RUNDC3A: variants seen among roughly 807,000 people sequenced by gnomAD.
RUNDC3A encodes the protein RUN domain containing 3A.
A neutral mutation model predicts 53.9 loss-of-function variants in RUNDC3A; 28 were observed. That is an observed-to-expected ratio of 0.52 (90% CI 0.38 to 0.71). RUNDC3A has a LOEUF of 0.71. Ranked by LOEUF, RUNDC3A falls within the 30% of genes least tolerant of loss-of-function variation. The probability of loss-of-function intolerance (pLI) is 0.00; values close to 1 mark genes in which losing one functional copy is unlikely to be tolerated. For synonymous variants in RUNDC3A, 232 were observed against 249.4 expected (o/e 0.93, Z 0.66); for missense variants, 491 against 597.3 (o/e 0.82, Z 1.85).
At chr17:44,317,790 T>C (rs1045117685) in intron 10 of RUNDC3A, 3 of 598,476 alleles carry the variant, frequency 5.0e-6, no homozygotes, top group Non-Finnish European at 9.0e-6. Flanking sequence ...TCTTGTCCGT[T>C]CTCTGTATCC....
Position 44,315,099 on chromosome 17 carries a change from G to A in RUNDC3A, c.630-56G>A, listed in dbSNP as rs1057277040. ...GGTCCCACCGCCCTCAGCGGCCAGC[G>A]CAGACGCGCGGGGGGAGGGGCGGGA... On this transcript the variant is annotated intron_variant, in intron 6 of 10. Coordinates refer to ENST00000426726, the MANE Select transcript of RUNDC3A (RefSeq NM_001144825.2). The surrounding 1 kb of genome is among the most constrained non-coding windows in gnomAD (Gnocchi z 6.1). 5.0e-6 allele frequency: 8 copies of A among 1,603,946 alleles called. No homozygotes were observed. In the African/African-American group the frequency reaches 5.4e-5, roughly 11 times the overall value.
At chr17:44,312,465 C>G (rs1567853132) in intron 1 of RUNDC3A, 115 bp from the exon 2 acceptor site, 1 of 650,622 alleles carries the variant, frequency 1.5e-6, no homozygotes, top group East Asian at 2.8e-5. Context: ...TGCCCCCCAC[C>G]ACATCCATGC....
chr17:44,311,538 G>T, intron 1 of RUNDC3A: 1 of 169,046 alleles, frequency 5.9e-6, no homozygotes. Flanking sequence ...GCAAAGTACT[G>T]TGCTTGCCAC....
rs1460186617 is a variant in RUNDC3A, at chr17:44,315,306, G to T, written c.781G>T (p.Val261Phe). ...CAAGATGGAGCAGAAGTTCCGCATC[G>T]TCTACGCGCAGAAGGTGCGCGACGC... ...WHKMEQKFRI[V>F]YAQKGYLEEL... Residue 261 changes from valine to phenylalanine, a missense_variant, in exon 7 of 11, where the codon GTC (valine) becomes TTC (phenylalanine). Physicochemically the swap from Val to Phe is conservative, Grantham distance 50. Coordinates refer to ENST00000426726, the MANE Select transcript of RUNDC3A (RefSeq NM_001144825.2). The surrounding 1 kb of genome is among the most constrained non-coding windows in gnomAD (Gnocchi z 6.1). 1.3e-6 allele frequency: 2 copies of T among 1,505,472 alleles called. No individual in the cohort carries two copies. The highest frequency in any genetic ancestry group is 1.8e-6 in the Non-Finnish European group (2 of 1,123,652). The allele number at this position is 1,505,472 out of a possible 1,614,324, so 93.3% of individuals were successfully genotyped here. A position where few individuals can be genotyped will look rare whatever the true frequency, so the allele number is the denominator to read the frequency against.
chr17:44,315,143 C>T lies in RUNDC3A; in HGVS notation c.630-12C>T, dbSNP rs1353327358. The T allele has an allele frequency of 2.5e-6, 4 of 1,581,752 alleles. No individual in the cohort carries two copies. The South Asian group carries it at 3.4e-5, about 13-fold the overall frequency. ...GGCGGGACCGGCCGTGCCCACTGCTCCCTCTCCCAAGCTACGACTACCTGA... is the reference window on the plus strand; with the variant it reads ...GGCGGGACCGGCCGTGCCCACTGCTTCCTCTCCCAAGCTACGACTACCTGA... On this transcript the variant is annotated splice_polypyrimidine_tract_variant and intron_variant, in intron 6 of 10. Transcript: ENST00000426726. The surrounding 1 kb of genome is among the most constrained non-coding windows in gnomAD (Gnocchi z 6.1).
At chr17:44,308,991 G>C in intron 1 of RUNDC3A, 52 bp downstream of exon 1, 1 of 1,286,946 alleles carries the variant, frequency 7.8e-7, no homozygotes, top group East Asian at 2.5e-5. Context: ...AGGGGTTGGG[G>C]TGGACTGCGG....
In RUNDC3A at chr17:44,316,464, C is replaced by T. The variant is rs776739126; in HGVS notation, c.1033C>T (p.Pro345Ser). ...ELTTPLVNQW[P>S]SLGTLNGAEG... ...CACTACACCCCTGGTCAATCAATGG[C>T]CCTCACTGGGAACGCTTAATGGGGC... Residue 345 changes from proline to serine, a missense_variant, in exon 9 of 11, where the codon CCC becomes TCC. Physicochemically the swap from Pro to Ser is moderately conservative, Grantham distance 74 (BLOSUM62 -1). Transcript: ENST00000426726. The T allele has an allele frequency of 4.3e-6, 7 of 1,613,690 alleles. No individual in the cohort carries two copies. Among genetic ancestry groups the T allele is most frequent in the Non-Finnish European group, 8.5e-7 (1 of 1,179,856 alleles).
At position 44,308,931 on chromosome 17, in the gene RUNDC3A, C is replaced by T; in HGVS notation, c.99C>T (p.Thr33=). The change falls in exon 1 of 11, where the codon ACC becomes ACT. Residue 33 remains threonine, a synonymous_variant. Transcript: ENST00000426726. ...NVAVERKNLI[T]VCRFSVKTLL... Reference sequence around the variant, plus strand: ...CTGTGGAGCGTAAGAACCTGATCACCGTGTGCAGGTGGGCACCGCTAGTGG... The same window carrying T: ...CTGTGGAGCGTAAGAACCTGATCACTGTGTGCAGGTGGGCACCGCTAGTGG... 4.1e-6 allele frequency: 6 copies of T among 1,465,906 alleles called. No individual in the cohort carries two copies. The highest frequency in any genetic ancestry group is 5.5e-6 in the Non-Finnish European group (6 of 1,085,852). The allele number at this position is 1,465,906 out of a possible 1,614,324, so 90.8% of individuals were successfully genotyped here.
intron 4 of RUNDC3A, 62 bp from the exon 5 acceptor site, chr17:44,314,673 C>CGGGGGGGGGGGG: frequency 1.7e-6 from 1 of 601,158 alleles, no homozygotes; most frequent in Non-Finnish European, 2.5e-6. Context: ...AATAGCAGCT[C>CGGGGGGGGGGGG]TGGGGGGGGG....
rs1225478139 is a variant in RUNDC3A, at chr17:44,316,738, A to G, written c.1198+13A>G. ...TGGGGTCCCATCGGTGAGCTCCCCC[A>G]ACCCAACACCCAGTACCCCTCCAGA... is the stretch of plus-strand genomic sequence containing the variant. On this transcript the variant is annotated intron_variant, in intron 10 of 10. Coordinates refer to ENST00000426726, the MANE Select transcript of RUNDC3A (RefSeq NM_001144825.2). 9 of 1,537,118 alleles carry G rather than the reference A, an allele frequency of 5.9e-6. No individual in the cohort carries two copies. The highest frequency in any genetic ancestry group is 7.0e-6 in the Non-Finnish European group (8 of 1,137,762).
At chr17:44,314,677 G>GGT in intron 4 of RUNDC3A, 58 bp from the exon 5 acceptor site, 2 of 1,011,562 alleles carry the variant, frequency 2.0e-6, no homozygotes, top group South Asian at 1.9e-5. Flanking sequence ...GCAGCTCTGG[G>GGT]GGGGGGGGGG....
rs575362260 is a variant in RUNDC3A at position 44,312,185 on chromosome 17, CCCAGGCCTCGCACACA to C, written c.108-393_108-378del. On this transcript the variant is annotated intron_variant, in intron 1 of 10. Transcript: ENST00000426726. ...ACACTGGCTTCTAACACCTAGTTGA[CCCAGGCCTCGCACACA>C]CAGACCCTGAAGGGTGGTCTATGGG... is the stretch of plus-strand genomic sequence containing the variant. Among the ~76,000 whole-genome samples the C allele has an allele frequency of 1.5e-3, 235 of 152,312 alleles. 1 individual carries two copies. The highest frequency in any genetic ancestry group is 5.4e-3 in the African/African-American group (225 of 41,564).
At chr17:44,317,496 C>A in intron 10 of RUNDC3A, 1 of 780,870 alleles carries the variant, frequency 1.3e-6, no homozygotes, top group Non-Finnish European at 2.4e-6. Flanking sequence ...AAGCTCAGAG[C>A]CAAATTAGTG....
At position 44,314,748 on chromosome 17, in the gene RUNDC3A, T is replaced by A. The variant is rs760082395; in HGVS notation, c.472T>A (p.Ser158Thr). The A allele has an allele frequency of 6.4e-7, 1 of 1,571,440 alleles. No homozygotes were observed. The highest frequency in any genetic ancestry group is 1.4e-5 in the African/African-American group (1 of 71,420). Residue 158 changes from serine to threonine, a missense_variant, in exon 5 of 11, where the codon TCT (serine) becomes ACT (threonine). Physicochemically the swap from Ser to Thr is moderately conservative, Grantham distance 58. Coordinates refer to ENST00000426726, the MANE Select transcript of RUNDC3A (RefSeq NM_001144825.2). Reference protein sequence around the residue: ...DTRTTRRFYDSGAIMLRDEAT... With the variant: ...DTRTTRRFYDTGAIMLRDEAT... ...GCCTCCCCACAGACGGTTCTATGAC[T>A]CTGGAGCCATCATGCTGCGGGATGA...
rs2047839022 is a variant in RUNDC3A, at chr17:44,315,359, G to C, written c.795+39G>C. ...GCGGGCCCGGGGGGCGGGCGGGCCG[G>C]GCGGGGGATCCGGGCATCCCGGGGC... On this transcript the variant is annotated intron_variant, in intron 7 of 10. Transcript: ENST00000426726. This position sits in a 1 kb window ranked among gnomAD's most constrained non-coding sequence, Gnocchi z 6.1. 1 of 1,314,086 alleles carries C rather than the reference G, an allele frequency of 7.6e-7. No individual in the cohort carries two copies. Among genetic ancestry groups the C allele is most frequent in the Non-Finnish European group, 9.7e-7 (1 of 1,026,912 alleles). 81.4% of individuals were successfully genotyped at this position (1,314,086 alleles called of 1,614,324 possible). A position where few individuals can be genotyped will look rare whatever the true frequency, so the allele number is the denominator to read the frequency against.
At chr17:44,310,424 C>T (rs962942837) in intron 1 of RUNDC3A, among the ~76,000 whole-genome samples, 2 of 152,208 alleles carry the variant, frequency 1.3e-5, no homozygotes, top group African/African-American at 4.8e-5. Flanking sequence ...GTAGCTGAGC[C>T]TCTTGAGTAC....
rs191480004 is a variant in RUNDC3A, at chr17:44,312,859, C to A, written c.223+164C>A. ...CATGGACTCTGAACCCCCTCATTGA[C>A]CCTGGCCCCCATTCTGGGCCATGCA... On this transcript the variant is annotated intron_variant, in intron 2 of 10. Transcript: ENST00000426726. Among the ~76,000 whole-genome samples the A allele has an allele frequency of 3.7e-4, 57 of 152,066 alleles. 1 individual carries two copies. In the East Asian group the frequency reaches 7.9e-3, roughly 21 times the overall value.
chr17:44,312,629 G>A lies in RUNDC3A; in HGVS notation c.157G>A (p.Asp53Asn). ...GAAGTACACAGCGGAGCCCATCGAT[G>A]ACTCATCGGAGGAGTTTGTCAATTT... The part of the protein sequence containing the change: ...LEKYTAEPID[D>N]SSEEFVNFAA... Residue 53 changes from aspartate to asparagine, a missense_variant, in exon 2 of 11, where the codon GAC (aspartate) becomes AAC (asparagine). Coordinates refer to ENST00000426726, the MANE Select transcript of RUNDC3A (RefSeq NM_001144825.2). 1 of 1,586,824 alleles carries A rather than the reference G, an allele frequency of 6.3e-7. No individual in the cohort carries two copies. Among genetic ancestry groups the A allele is most frequent in the East Asian group, 2.3e-5 (1 of 43,596 alleles).
At position 44,316,629 on chromosome 17, in the gene RUNDC3A, A is replaced by G; in HGVS notation, c.1102A>G (p.Met368Val). ...CTCGCTCTGCCGCAGACACAGCTTC[A>G]TGAGCACGGAGCCGCTGTCAGCTGA... ...NSKLYRRHSF[M>V]STEPLSAEAS... Residue 368 changes from methionine (M) to valine (V), a missense_variant, in exon 10 of 11, where the codon ATG becomes GTG. Transcript: ENST00000426726. The G allele has an allele frequency of 1.3e-6, 2 of 1,551,496 alleles. No individual in the cohort carries two copies. The highest frequency in any genetic ancestry group is 1.7e-6 in the Non-Finnish European group (2 of 1,147,364).
Sources: allele counts gnomAD v4.1 joint callset (sites outside exome capture counted in the v4.1 genomes callset), GRCh38; gene constraint gnomAD v4.1.1; non-coding constraint Gnocchi (gnomAD v3.1); transcripts MANE v1.5; gene names NCBI Gene and HGNC (gene_info 2026-07-23, HGNC 2026-07-21).